EYA2: variants seen among roughly 807,000 people sequenced by gnomAD.
EYA2 encodes the protein protein phosphatase EYA2.
A neutral mutation model predicts 69.2 loss-of-function variants in EYA2; 31 were observed. The observed-to-expected ratio is 0.45, with a 90% CI of 0.34 to 0.60. EYA2 has a LOEUF of 0.60. EYA2 is among the 20% of genes least tolerant of loss of function. The probability of loss-of-function intolerance (pLI) is 0.02; values close to 1 mark genes in which losing one functional copy is unlikely to be tolerated. For missense variants in EYA2, 622 were observed against 701.2 expected, an observed-to-expected ratio of 0.89 and a Z score of 1.28; for synonymous variants, 257 against 279.4, an observed-to-expected ratio of 0.92 and a Z score of 0.80.
intron 1 of EYA2, chr20:46,978,727 G>A (rs1980620382): frequency 9.4e-6 from 5 of 532,668 alleles, no homozygotes; most frequent in Admixed American, 5.8e-5. Flanking sequence ...AGGTGGGCAG[G>A]GGGGCTGCCG....
At chr20:46,896,787 A>C (rs1327951497) in intron 1 of EYA2, among the ~76,000 whole-genome samples, 1 of 152,210 alleles carries the variant, frequency 6.6e-6, no homozygotes, top group Non-Finnish European at 1.5e-5. Context: ...ACTTTAAAGC[A>C]GTTTATATGT....
At chr20:46,947,347 C>T (rs1600570682) in intron 1 of EYA2, among the ~76,000 whole-genome samples, 2 of 151,834 alleles carry the variant, frequency 1.3e-5, no homozygotes, top group South Asian at 2.1e-4. Flanking sequence ...GACTGTGATC[C>T]TCATAAAGGA....
chr20:46,971,805 A>G (rs143580524), intron 1 of EYA2, among the ~76,000 whole-genome samples: 11 of 152,336 alleles, frequency 7.2e-5, no homozygotes, highest in Admixed American at 1.3e-4. Context: ...TGGTGCATGC[A>G]TGATCCTTGT....
chr20:46,969,907 G>T (rs1191253028), intron 1 of EYA2, among the ~76,000 whole-genome samples: 2 of 152,170 alleles, frequency 1.3e-5, no homozygotes, highest in Admixed American at 6.5e-5. Flanking sequence ...ATGTAAGGGG[G>T]TGAAGGGGCA....
At chr20:46,966,814 CA>C (rs35126216) in intron 1 of EYA2, among the ~76,000 whole-genome samples, 6 of 123,944 alleles carry the variant, frequency 4.8e-5, no homozygotes, top group African/African-American at 1.1e-4. Context: ...GACTCCATCT[CA>C]AAAAAAAAAA....
chr20:46,901,443 A>G (rs1221599283), intron 1 of EYA2: 2 of 152,130 alleles, frequency 1.3e-5, no homozygotes, highest in Non-Finnish European at 2.9e-5. Flanking sequence ...ATCTCTATTG[A>G]TTGGCAGCTT....
intron 4 of EYA2, among the ~76,000 whole-genome samples, chr20:47,005,730 TGTG>T (rs1982665923): frequency 6.6e-6 from 1 of 152,148 alleles, no homozygotes; most frequent in African/African-American, 2.4e-5. Context: ...GAGAAATGGA[TGTG>T]GTGGAGGACG....
At chr20:46,918,056 C>T (rs1984995817) in intron 1 of EYA2, among the ~76,000 whole-genome samples, 2 of 152,188 alleles carry the variant, frequency 1.3e-5, no homozygotes, top group South Asian at 4.2e-4. Flanking sequence ...CGTGGTGGCT[C>T]ACGCCCACAA....
chr20:47,164,839 GT>G (rs1302272035), intron 10 of EYA2, among the ~76,000 whole-genome samples: 1 of 152,180 alleles, frequency 6.6e-6, no homozygotes, highest in Non-Finnish European at 1.5e-5. Context: ...CATCCCCCAA[GT>G]TTACATATTG....
chr20:46,999,886 C>T (rs1982250068), intron 2 of EYA2, among the ~76,000 whole-genome samples: 1 of 152,176 alleles, frequency 6.6e-6, no homozygotes, highest in African/African-American at 2.4e-5. Context: ...GTGCTCAGAG[C>T]GCTGTTGTGA....
chr20:47,009,690 G>A (rs527969655), intron 4 of EYA2, among the ~76,000 whole-genome samples: 7 of 152,132 alleles, frequency 4.6e-5, no homozygotes, highest in Non-Finnish European at 8.8e-5. Context: ...AGACCACACA[G>A]TCTCTATCTC....
rs551328518 is a variant in EYA2, at chr20:46,956,878, C to A, written c.-10-33123C>A. Among the ~76,000 whole-genome samples, 19 of 152,300 alleles carry A rather than the reference C, an allele frequency of 1.2e-4. No individual in the cohort carries two copies. The South Asian group carries it at 3.5e-3, about 28-fold the overall frequency. On this transcript the variant is annotated intron_variant, in intron 1 of 15. Transcript: ENST00000327619. ...AAGGCATGTCTTACATGGCAGCAGGCAAAAGAGAGCATGTGCAGGGAAACT... is the reference window on the plus strand; with the variant it reads ...AAGGCATGTCTTACATGGCAGCAGGAAAAAGAGAGCATGTGCAGGGAAACT...
chr20:46,929,592 G>T (rs1288384952), intron 1 of EYA2, among the ~76,000 whole-genome samples: 1 of 152,144 alleles, frequency 6.6e-6, no homozygotes, highest in Non-Finnish European at 1.5e-5. Context: ...CCCGGGTGAT[G>T]ATACAGGGAG....
intron 9 of EYA2, among the ~76,000 whole-genome samples, chr20:47,141,869 A>G (rs2033603919): frequency 2.0e-5 from 3 of 152,188 alleles, no homozygotes; most frequent in Admixed American, 2.0e-4. Flanking sequence ...TAACATGCGT[A>G]TGTGCTCCTT....
At chr20:47,064,645 T>TTTTTTC (rs1360315442) in intron 5 of EYA2, among the ~76,000 whole-genome samples, 2 of 152,210 alleles carry the variant, frequency 1.3e-5, no homozygotes, top group East Asian at 3.8e-4. Flanking sequence ...CACCAACACA[T>TTTTTTC]TTTTTCTTTT....
intron 7 of EYA2, among the ~76,000 whole-genome samples, chr20:47,087,139 ATGTCT>A (rs1568769688): frequency 6.6e-6 from 1 of 152,194 alleles, no homozygotes; most frequent in African/African-American, 2.4e-5. Flanking sequence ...GCGCAAAATC[ATGTCT>A]TGTCTTATTA....
chr20:47,092,354 A>C (rs112102024), intron 8 of EYA2, among the ~76,000 whole-genome samples: 20 of 152,256 alleles, frequency 1.3e-4, no homozygotes, highest in African/African-American at 4.6e-4. Context: ...CCTTGTTCTT[A>C]AAGCTCCATC....
intron 5 of EYA2, among the ~76,000 whole-genome samples, chr20:47,024,596 C>G (rs1171682773): frequency 2.0e-5 from 3 of 152,224 alleles, no homozygotes; most frequent in South Asian, 4.1e-4. Context: ...TCTGGGAGTT[C>G]TGCTCTGCCA....
intron 5 of EYA2, among the ~76,000 whole-genome samples, chr20:47,055,036 G>A (rs2030536752): frequency 1.3e-5 from 2 of 152,168 alleles, no homozygotes; most frequent in African/African-American, 4.8e-5. Flanking sequence ...AGAGGCTGCA[G>A]CAGCTCCAGC....
Sources: allele counts gnomAD v4.1 joint callset (sites outside exome capture counted in the v4.1 genomes callset), GRCh38; gene constraint gnomAD v4.1.1; transcripts MANE v1.5; gene names NCBI Gene and HGNC (gene_info 2026-07-23, HGNC 2026-07-21).